Variants in SSMEM1 observed in about 807,000 individuals in gnomAD.
SSMEM1 encodes the protein serine rich single-pass membrane protein 1, also known as serine-rich single-pass membrane protein 1.
In SSMEM1, 12 loss-of-function variants were observed where a neutral mutation model predicts 9.9. That is an observed-to-expected ratio of 1.21 (90% CI 0.78 to 1.96). The LOEUF is 1.96. SSMEM1 is among the 30% of genes most tolerant of loss of function. SSMEM1 has a pLI of 0.00. For synonymous variants in SSMEM1, 96 were observed against 98.9 expected (o/e 0.97, Z 0.17); for missense variants, 259 against 292.2 (o/e 0.89, Z 0.83).
At chr7:130,213,715 G>A (rs150408946) in intron 2 of SSMEM1, among the ~76,000 whole-genome samples, 181 bp downstream of exon 2, 501 of 104,804 alleles carry the variant, frequency 4.8e-3, no homozygotes, top group Middle Eastern at 0.021. Flanking sequence ...AAAAAAAAAA[G>A]AAAAGAAAAG....
At chr7:130,206,340 G>T (rs1252452096), upstream of SSMEM1, among the ~76,000 whole-genome samples, 2 of 152,208 alleles carry the variant, frequency 1.3e-5, no homozygotes, top group African/African-American at 4.8e-5. Context: ...CCCAGCTCTC[G>T]CGAGCTTCCT....
upstream of SSMEM1, among the ~76,000 whole-genome samples, chr7:130,206,251 C>G (rs1429327143): frequency 1.3e-5 from 2 of 152,138 alleles, no homozygotes; most frequent in African/African-American, 2.4e-5. Flanking sequence ...GAGCTCAACC[C>G]CAGCGGAGGC....
intron 1 of SSMEM1, among the ~76,000 whole-genome samples, chr7:130,211,570 A>G (rs1450403964): frequency 6.6e-6 from 1 of 152,250 alleles, no homozygotes; most frequent in Non-Finnish European, 1.5e-5. Flanking sequence ...ACCATTGCAG[A>G]GATCAGATAT....
upstream of SSMEM1, chr7:130,205,453 G>C (rs1798424660): frequency 6.2e-6 from 10 of 1,608,990 alleles, no homozygotes; most frequent in African/African-American, 4.0e-5. Flanking sequence ...GGAGGCCACC[G>C]GCAAGCGGCT....
At position 130,216,226 on chromosome 7, in the gene SSMEM1, A is replaced by T. The variant is rs767334438; in HGVS notation, c.491A>T (p.Glu164Val). Reference sequence around the variant, plus strand: ...AACTCAGAAGCCTCCTCGTGGAAGGAGAGTGAAAGTGAACACCACCCATCA... The same window carrying T: ...AACTCAGAAGCCTCCTCGTGGAAGGTGAGTGAAAGTGAACACCACCCATCA... Reference protein sequence around the residue: ...ESNSEASSWKESESEHHPSPD... With the variant: ...ESNSEASSWKVSESEHHPSPD... Residue 164 changes from glutamate (E) to valine (V), a missense_variant, in exon 3 of 3, where the codon GAG (glutamate) becomes GTG (valine). Coordinates refer to ENST00000297819, the MANE Select transcript of SSMEM1 (RefSeq NM_145268.4). The T allele has an allele frequency of 7.4e-6, 12 of 1,614,236 alleles. No homozygotes were observed. The highest frequency in any genetic ancestry group is 1.0e-5 in the Non-Finnish European group (12 of 1,180,052).
At chr7:130,208,168 A>T in intron 1 of SSMEM1, 75 bp downstream of exon 1, 1 of 1,382,306 alleles carries the variant, frequency 7.2e-7, no homozygotes, top group Admixed American at 2.5e-5. Context: ...TACATTTACT[A>T]TACTTTGATG....
upstream of SSMEM1, chr7:130,207,698 G>C (rs747152652): frequency 1.5e-6 from 1 of 672,412 alleles, no homozygotes; most frequent in South Asian, 1.5e-5. Context: ...TGAGGTATGG[G>C]GGAAAATAAC....
At chr7:130,209,304 C>T (rs900899193) in intron 1 of SSMEM1, among the ~76,000 whole-genome samples, 4 of 152,182 alleles carry the variant, frequency 2.6e-5, no homozygotes, top group Non-Finnish European at 5.9e-5. Context: ...TCTATGAGCT[C>T]GGATGGGGTG....
upstream of SSMEM1, chr7:130,207,658 G>A: frequency 1.8e-6 from 1 of 563,676 alleles, no homozygotes; most frequent in African/African-American, 1.9e-5. Flanking sequence ...CAAGTTTTAG[G>A]AAAAAAAATT....
chr7:130,205,447 G>A (rs761441924), upstream of SSMEM1: 5 of 1,610,724 alleles, frequency 3.1e-6, no homozygotes, highest in Non-Finnish European at 4.2e-6. Flanking sequence ...CAAGCGGGAG[G>A]CCACCGGCAA....
upstream of SSMEM1, chr7:130,207,858 C>G: frequency 6.3e-7 from 1 of 1,585,840 alleles, no homozygotes; most frequent in Non-Finnish European, 8.6e-7. Flanking sequence ...GAAGTAGTTC[C>G]CAGTCATCTT....
Position 130,216,171 on chromosome 7 carries a change from G to A in SSMEM1, c.436G>A (p.Asp146Asn). ...GGTGAACCAGAACCAACATGACAGT[G>A]ATACTACGGAGTATGGCAGTGAAGA... ...NEVNQNQHDS[D>N]TTEYGSEESN... The change falls in exon 3 of 3, where the codon GAT becomes AAT. Residue 146 changes from aspartate to asparagine, a missense_variant. Physicochemically the swap from Asp to Asn is conservative, Grantham distance 23. Transcript: ENST00000297819. The A allele has an allele frequency of 1.2e-6, 2 of 1,614,210 alleles. No homozygotes were observed. The highest frequency in any genetic ancestry group is 1.7e-6 in the Non-Finnish European group (2 of 1,180,042).
Position 130,208,004 on chromosome 7 carries a change from G to C in SSMEM1, c.94G>C (p.Asp32His). ...IPNQDYECWK[D>H]DSCGTIGSFL... Reference sequence around the variant, plus strand: ...AAATCAGGATTATGAATGCTGGAAGGATGACTCTTGTGGAACCATAGGGAG... The same window carrying C: ...AAATCAGGATTATGAATGCTGGAAGCATGACTCTTGTGGAACCATAGGGAG... The change falls in exon 1 of 3, where the codon GAT becomes CAT. Residue 32 changes from aspartate (D) to histidine (H), a missense_variant. Physicochemically the swap from Asp to His is moderately conservative, Grantham distance 81. Transcript: ENST00000297819. 6.2e-7 allele frequency: 1 copy of C among 1,614,022 alleles called. No individual in the cohort carries two copies. Among genetic ancestry groups the C allele is most frequent in the Non-Finnish European group, 8.5e-7 (1 of 1,179,970 alleles).
chr7:130,205,941 C>T (rs937298989), upstream of SSMEM1, among the ~76,000 whole-genome samples: 1 of 152,118 alleles, frequency 6.6e-6, no homozygotes, highest in African/African-American at 2.4e-5. Flanking sequence ...CTCCCAAACG[C>T]CTGCTGGCCT....
chr7:130,210,919 A>G (rs1175150681), intron 1 of SSMEM1, among the ~76,000 whole-genome samples: 1 of 152,194 alleles, frequency 6.6e-6, no homozygotes, highest in African/African-American at 2.4e-5. Flanking sequence ...TCTATTACAA[A>G]AGTACACATT....
chr7:130,211,650 A>C (rs1206553598), intron 1 of SSMEM1, among the ~76,000 whole-genome samples: 1 of 152,232 alleles, frequency 6.6e-6, no homozygotes, highest in African/African-American at 2.4e-5. Context: ...TCCCAAAGAA[A>C]CTGGACTTCC....
At chr7:130,211,190 C>G (rs550944322) in intron 1 of SSMEM1, among the ~76,000 whole-genome samples, 7 of 128,418 alleles carry the variant, frequency 5.5e-5, no homozygotes, top group Non-Finnish European at 1.1e-4. Context: ...GACAGAGTCT[C>G]GCTGTCACCC....
At chr7:130,205,803 CCT>C (rs1798441906), upstream of SSMEM1, among the ~76,000 whole-genome samples, 1 of 152,112 alleles carries the variant, frequency 6.6e-6, no homozygotes, top group African/African-American at 2.4e-5. Context: ...ATTTCTTTCC[CCT>C]GTGTTAAAGT....
upstream of SSMEM1, among the ~76,000 whole-genome samples, chr7:130,205,858 T>G (rs1798444484): frequency 6.6e-6 from 1 of 151,560 alleles, no homozygotes. Flanking sequence ...TTTTTTTTGG[T>G]AGAGACAGGG....
Sources: gnomAD v4.1 joint callset for allele counts (sites outside exome capture counted in the v4.1 genomes callset) on GRCh38, gnomAD v4.1.1 for gene constraint, MANE v1.5 for transcripts, NCBI Gene and HGNC (gene_info 2026-07-23, HGNC 2026-07-21) for gene names.